KTN1: variants seen among roughly 807,000 people sequenced by gnomAD.
The protein encoded by KTN1 is kinectin.
A neutral mutation model predicts 222.5 loss-of-function variants in KTN1; 130 were observed. The ratio of observed to expected loss-of-function variants is 0.58; its 90% CI spans 0.51 to 0.68. The LOEUF is 0.68. Ranked by LOEUF, KTN1 falls within the 30% of genes least tolerant of loss-of-function variation. KTN1 has a pLI of 0.00. For missense variants in KTN1, 1,508 were observed against 1,500.4 expected, an observed-to-expected ratio of 1.01 and a Z score of -0.08; for synonymous variants, 512 against 496.3, an observed-to-expected ratio of 1.03 and a Z score of -0.42.
intron 5 of KTN1, among the ~76,000 whole-genome samples, chr14:55,626,598 T>G (rs778955093): frequency 1.3e-5 from 2 of 151,954 alleles, no homozygotes; most frequent in Non-Finnish European, 2.9e-5. Context: ...TGTTTTGTTT[T>G]GTTTCATTTT....
intron 40 of KTN1, chr14:55,674,018 C>T (rs1291204397): frequency 6.6e-6 from 1 of 151,252 alleles, no homozygotes; most frequent in Non-Finnish European, 1.5e-5. Flanking sequence ...TTTTTAAGTA[C>T]CTTAATAAAC....
rs2045371071 is a variant in KTN1, at chr14:55,670,754, T to C, written c.3293T>C (p.Phe1098Ser). The change falls in exon 35 of 44, where the codon TTT (phenylalanine) becomes TCT (serine). Residue 1098 changes from phenylalanine (F) to serine (S), a missense_variant. Phe to Ser is a radical substitution (Grantham distance 155, BLOSUM62 -2). Coordinates refer to ENST00000395314, the MANE Select transcript of KTN1 (RefSeq NM_001079521.2). ...AGTTATGGTGAATGGTTGCATGGATTTGAAAAAAAGGCAAAAGAATGTATG... is the reference window on the plus strand; with the variant it reads ...AGTTATGGTGAATGGTTGCATGGATCTGAAAAAAAGGCAAAAGAATGTATG... ...NLSYGEWLHG[F>S]EKKAKECMAG... 1 of 1,611,108 alleles carries C rather than the reference T, an allele frequency of 6.2e-7. No individual in the cohort carries two copies. The highest frequency in any genetic ancestry group is 8.5e-7 in the Non-Finnish European group (1 of 1,178,118).
intron 40 of KTN1, 170 bp from the exon 41 acceptor site, chr14:55,675,665 A>T: frequency 2.2e-6 from 1 of 461,356 alleles, no homozygotes; most frequent in Non-Finnish European, 3.9e-6. Context: ...AGCTTTACAG[A>T]TGGGAACCTC....
intron 1 of KTN1, among the ~76,000 whole-genome samples, chr14:55,585,704 T>C (rs1566646838): frequency 6.6e-6 from 1 of 152,184 alleles, no homozygotes; most frequent in African/African-American, 2.4e-5. Context: ...TTGATAGATA[T>C]ATAGAAATAA....
In KTN1 at chr14:55,661,565, T is replaced by G; in HGVS notation, c.3043T>G (p.Leu1015Val). 1 of 1,604,078 alleles carries G rather than the reference T, an allele frequency of 6.2e-7. No homozygotes were observed. The highest frequency in any genetic ancestry group is 2.2e-5 in the East Asian group (1 of 44,652). The change falls in exon 32 of 44, where the codon TTA becomes GTA. Residue 1015 changes from leucine to valine, a missense_variant. Physicochemically the swap from Leu to Val is conservative, Grantham distance 32. Transcript: ENST00000395314. ...EKEISGLWNE[L>V]DSLKDAVEHQ... ...AGAAATAAGTGGTCTCTGGAATGAG[T>G]TAGATTCTTTGAAGGATGCAGTTGA...
chr14:55,587,713 T>C (rs898296133), intron 1 of KTN1, among the ~76,000 whole-genome samples: 2 of 152,218 alleles, frequency 1.3e-5, no homozygotes, highest in African/African-American at 2.4e-5. Flanking sequence ...TCATGATTTC[T>C]GTAAAGGGAA....
In KTN1 at chr14:55,651,901, T is replaced by G. The variant is rs2042963475; in HGVS notation, c.2577T>G (p.Thr859=). The G allele has an allele frequency of 1.9e-6, 3 of 1,570,188 alleles. No individual in the cohort carries two copies. The Admixed American group carries it at 5.2e-5, about 27-fold the overall frequency. Residue 859 remains threonine, a synonymous_variant, in exon 25 of 44, where the codon ACT becomes ACG. Coordinates refer to ENST00000395314, the MANE Select transcript of KTN1 (RefSeq NM_001079521.2). ...CCTTTGTATTTCAGTTATCTATCAC[T>G]TCCAAAGTTCAGGAGCTTCAGAACT... is the stretch of plus-strand genomic sequence containing the variant. ...QLEKAQQLSI[T]SKVQELQNLL...
chr14:55,676,295 A>AT (rs921275349), intron 41 of KTN1, among the ~76,000 whole-genome samples: 52 of 151,812 alleles, frequency 3.4e-4, no homozygotes, highest in Admixed American at 1.4e-3. Flanking sequence ...ATAAATTTCT[A>AT]TTTTTTTTAG....
chr14:55,603,977 C>T (rs915717098), intron 1 of KTN1, among the ~76,000 whole-genome samples: 9 of 152,188 alleles, frequency 5.9e-5, no homozygotes, highest in African/African-American at 2.2e-4. Context: ...ACCATCTCAC[C>T]TGCTACCATC....
At chr14:55,683,706 T>TAAAAA (rs5808818) in intron 43 of KTN1, 1 of 151,228 alleles carries the variant, frequency 6.6e-6, no homozygotes, top group Non-Finnish European at 1.4e-5. Context: ...TCATATGACC[T>TAAAAA]AAAAAAAAAA....
At chr14:55,671,194 C>A in intron 35 of KTN1, 1 of 247,216 alleles carries the variant, frequency 4.0e-6, no homozygotes, top group Non-Finnish European at 7.6e-6. Flanking sequence ...GGTTTTTATC[C>A]TTGGCTACTG....
At position 55,649,789 on chromosome 14, in the gene KTN1, C is replaced by A; in HGVS notation, c.2381C>A (p.Ser794Tyr). ...AKQNDQVSFA[S>Y]LVEELKKVIH... ...TCCTATTTCCAGGTTTCTTTTGCCT[C>A]TCTAGTTGAAGAACTTAAGAAAGTG... Residue 794 changes from serine to tyrosine, a missense_variant, in exon 22 of 44, where the codon TCT (serine) becomes TAT (tyrosine). Coordinates refer to ENST00000395314, the MANE Select transcript of KTN1 (RefSeq NM_001079521.2). 6.6e-7 allele frequency: 1 copy of A among 1,521,484 alleles called. No individual in the cohort carries two copies. The highest frequency in any genetic ancestry group is 9.0e-7 in the Non-Finnish European group (1 of 1,108,774). 94.2% of individuals were successfully genotyped at this position (1,521,484 alleles called of 1,614,324 possible).
intron 32 of KTN1, among the ~76,000 whole-genome samples, chr14:55,662,641 G>A (rs906153763): frequency 6.6e-6 from 1 of 152,178 alleles, no homozygotes; most frequent in African/African-American, 2.4e-5. Context: ...CTTGAGCAAG[G>A]ATAAAATGTT....
chr14:55,659,007 A>G (rs185787137), intron 30 of KTN1, among the ~76,000 whole-genome samples: 49 of 152,260 alleles, frequency 3.2e-4, no homozygotes, highest in African/African-American at 1.2e-3. Context: ...GCAATAGTCT[A>G]CTACTATTTA....
intron 1 of KTN1, among the ~76,000 whole-genome samples, chr14:55,583,360 T>G (rs2032177281): frequency 6.6e-6 from 1 of 152,176 alleles, no homozygotes; most frequent in Admixed American, 6.5e-5. Context: ...CTAACAATAG[T>G]TTTAGTAGAT....
At chr14:55,624,920 A>G (rs955502582) in intron 5 of KTN1, among the ~76,000 whole-genome samples, 4 of 152,226 alleles carry the variant, frequency 2.6e-5, no homozygotes, top group Admixed American at 2.6e-4. Flanking sequence ...GACTATAAAT[A>G]AGTACCAAAT....
chr14:55,601,070 A>G (rs2035905613), intron 1 of KTN1, among the ~76,000 whole-genome samples: 1 of 152,174 alleles, frequency 6.6e-6, no homozygotes. Context: ...AAATGGATTG[A>G]TCTATTCTCA....
intron 33 of KTN1, among the ~76,000 whole-genome samples, chr14:55,665,800 A>G (rs1333752543): frequency 1.3e-5 from 2 of 152,050 alleles, no homozygotes; most frequent in Non-Finnish European, 2.9e-5. Context: ...ATTGCTGTCT[A>G]TAACCAAACT....
At chr14:55,683,870 C>T in intron 43 of KTN1, 2 of 428,214 alleles carry the variant, frequency 4.7e-6, no homozygotes, top group Non-Finnish European at 8.3e-6. Flanking sequence ...TAAATGTTTT[C>T]TAACAGAATT....
Sources: gnomAD v4.1 joint callset for allele counts (sites outside exome capture counted in the v4.1 genomes callset) on GRCh38, gnomAD v4.1.1 for gene constraint, MANE v1.5 for transcripts, NCBI Gene and HGNC (gene_info 2026-07-23, HGNC 2026-07-21) for gene names.